The following CSPP1 variants were observed in gnomAD, a reference collection of about 807,000 sequenced individuals.
CSPP1 encodes centrosome and spindle pole-associated protein 1.
A neutral mutation model predicts 164.4 loss-of-function variants in CSPP1; 126 were observed. The observed-to-expected ratio is 0.77, with a 90% CI of 0.66 to 0.89. The LOEUF is 0.89. CSPP1 is among the 40% of genes least tolerant of loss of function. The pLI, the probability that CSPP1 is intolerant of heterozygous loss-of-function variation, is 0.00. For missense variants in CSPP1, 1,395 were observed against 1,449.8 expected (o/e 0.96, Z 0.61); for synonymous variants, 472 against 476.7 (o/e 0.99, Z 0.13).
intron 17 of CSPP1, among the ~76,000 whole-genome samples, chr8:67,138,340 C>T (rs1253650208): frequency 6.6e-6 from 1 of 152,134 alleles, no homozygotes; most frequent in African/African-American, 2.4e-5. Context: ...TTCCTGTATA[C>T]TTTAAGTCAT....
intron 5 of CSPP1, among the ~76,000 whole-genome samples, chr8:67,093,095 T>G (rs1238077964): frequency 6.6e-6 from 1 of 152,128 alleles, no homozygotes; most frequent in Non-Finnish European, 1.5e-5. Context: ...TGGGAGAGAT[T>G]TATCTCTGAA....
chr8:67,104,094 A>G (rs1814799542), intron 8 of CSPP1, among the ~76,000 whole-genome samples: 1 of 152,110 alleles, frequency 6.6e-6, no homozygotes, highest in East Asian at 1.9e-4. Flanking sequence ...TTTTGAATCT[A>G]TAGTATACAG....
intron 3 of CSPP1, among the ~76,000 whole-genome samples, chr8:67,080,445 C>T (rs1235771622): frequency 6.6e-6 from 1 of 152,208 alleles, no homozygotes; most frequent in African/African-American, 2.4e-5. Flanking sequence ...CTTTCTACCA[C>T]CATTTATACC....
intron 17 of CSPP1, among the ~76,000 whole-genome samples, chr8:67,145,055 C>CA (rs1184105758): frequency 0.05 from 3,084 of 62,060 alleles, 79 homozygotes; most frequent in South Asian, 0.11. Flanking sequence ...GACTCCATCT[C>CA]AAAAAAAAAA....
rs760329183 is a variant in CSPP1 at position 67,195,574 on chromosome 8, T to C, written c.3662T>C (p.Leu1221Pro). ...CCAGGCACTTTCACTTGGCAGGGCC[T>C]GTCGACTGCACATGGTTAAAATAAA... The part of the protein sequence containing the change: ...GKPGTFTWQG[L>P]STAHG Residue 1221 changes from leucine to proline, a missense_variant, in exon 31 of 31, where the codon CTG (leucine) becomes CCG (proline). By Grantham distance (98) the Leu-to-Pro change is moderately conservative. Transcript: ENST00000678616. The C allele has an allele frequency of 6.2e-6, 10 of 1,614,140 alleles. No individual in the cohort carries two copies. Among genetic ancestry groups the C allele is most frequent in the Non-Finnish European group, 7.6e-6 (9 of 1,180,000 alleles).
chr8:67,149,143 C>G (rs1825198047), intron 17 of CSPP1, among the ~76,000 whole-genome samples: 2 of 152,068 alleles, frequency 1.3e-5, no homozygotes, highest in African/African-American at 4.8e-5. Context: ...ATGGGCCTCT[C>G]CATAGGGCTC....
intron 16 of CSPP1, among the ~76,000 whole-genome samples, chr8:67,132,285 CA>C (rs1821385241): frequency 6.6e-6 from 1 of 152,148 alleles, no homozygotes. Flanking sequence ...GAGCTTCACA[CA>C]GTAGTTGATA....
intron 30 of CSPP1, 57 bp from the exon 31 acceptor site, chr8:67,195,325 T>C: frequency 9.4e-7 from 1 of 1,069,414 alleles, no homozygotes; most frequent in South Asian, 1.3e-5. Flanking sequence ...GACCTGCGCT[T>C]ATGTCTCCTG....
chr8:67,094,541 G>T (rs1812327137), intron 6 of CSPP1, among the ~76,000 whole-genome samples: 1 of 151,830 alleles, frequency 6.6e-6, no homozygotes, highest in African/African-American at 2.4e-5. Context: ...CAAAGTGCTG[G>T]GATTACAGGC....
chr8:67,099,063 C>T (rs546709949), intron 7 of CSPP1, among the ~76,000 whole-genome samples: 1 of 151,400 alleles, frequency 6.6e-6, no homozygotes, highest in Admixed American at 6.6e-5. Context: ...ACCTGATCAA[C>T]TAGAGTTGTT....
At chr8:67,111,868 G>A in intron 9 of CSPP1, 104 bp from the exon 10 acceptor site, 1 of 577,102 alleles carries the variant, frequency 1.7e-6, no homozygotes, top group Non-Finnish European at 3.0e-6. Context: ...TTGCATATTA[G>A]TAATTATATG....
intron 19 of CSPP1, chr8:67,157,718 TC>T (rs1336048121): frequency 1.3e-5 from 2 of 152,258 alleles, no homozygotes; most frequent in East Asian, 3.8e-4. Context: ...AATACCTGGT[TC>T]CCATGCTGCT....
intron 15 of CSPP1, among the ~76,000 whole-genome samples, chr8:67,120,641 TC>T (rs757757241): frequency 6.2e-4 from 95 of 152,262 alleles, no homozygotes; most frequent in Middle Eastern, 6.8e-3. Flanking sequence ...GGAATTCCTT[TC>T]ATAATTTTCT....
Position 67,086,100 on chromosome 8 carries a change from A to C in CSPP1, c.293A>C (p.Tyr98Ser). The C allele has an allele frequency of 7.3e-7, 1 of 1,367,990 alleles. No homozygotes were observed. Among genetic ancestry groups the C allele is most frequent in the South Asian group, 1.2e-5 (1 of 86,060 alleles). The allele number at this position is 1,367,990 out of a possible 1,614,324, so 84.7% of individuals were successfully genotyped here. A position where few individuals can be genotyped will look rare whatever the true frequency, so the allele number is the denominator to read the frequency against. ...KEELRQDYRR[Y>S]LTQKNFLSTS... Reference sequence around the variant, plus strand: ...GAATTGCGGCAAGATTACAGACGTTATCTTACTCAGGTAATGAGTTCTATT... The same window carrying C: ...GAATTGCGGCAAGATTACAGACGTTCTCTTACTCAGGTAATGAGTTCTATT... The change falls in exon 4 of 31, where the codon TAT (tyrosine) becomes TCT (serine). Residue 98 changes from tyrosine to serine, a missense_variant. Tyr to Ser is a moderately radical substitution (Grantham distance 144). Transcript: ENST00000678616.
Position 67,103,239 on chromosome 8 carries a change from A to T in CSPP1, c.1022+104A>T, listed in dbSNP as rs188824977. On this transcript the variant is annotated intron_variant, in intron 8 of 30. Transcript: ENST00000678616. ...AAGTAGAAAGATACAGTAAATTAAC[A>T]GCCTTCCTTCTTAGTGAGAAGTGAA... 6.1e-4 allele frequency: 395 copies of T among 649,886 alleles called. 4 individuals are homozygous for T. The African/African-American group carries it at 6.7e-3, about 11-fold the overall frequency. 40.3% of individuals were successfully genotyped at this position (649,886 alleles called of 1,614,324 possible). A position where few individuals can be genotyped will look rare whatever the true frequency, so the allele number is the denominator to read the frequency against.
rs767786312 is a variant in CSPP1, at chr8:67,091,868, G to C, written c.369G>C (p.Glu123Asp). 2 of 1,341,362 alleles carry C rather than the reference G, an allele frequency of 1.5e-6. No individual in the cohort carries two copies. Among genetic ancestry groups the C allele is most frequent in the Admixed American group, 4.1e-5 (2 of 49,158 alleles). 83.1% of individuals were successfully genotyped at this position (1,341,362 alleles called of 1,614,324 possible). A position where few individuals can be genotyped will look rare whatever the true frequency, so the allele number is the denominator to read the frequency against. The change falls in exon 5 of 31, where the codon GAG becomes GAC. Residue 123 changes from glutamate to aspartate, a missense_variant. Coordinates refer to ENST00000678616, the MANE Select transcript of CSPP1 (RefSeq NM_001382391.1). ...TGGGAGTTTCTCTTCCTATTGGTGA[G>C]AGGTTATCTGCTAAGGTAGGTGGAT... ...STLGVSLPIG[E>D]RLSAKERLKL... is the part of the protein sequence containing the mutation.
intron 25 of CSPP1, chr8:67,173,612 C>A (rs145835036): frequency 1.3e-5 from 2 of 151,776 alleles, no homozygotes; most frequent in African/African-American, 4.9e-5. Flanking sequence ...TATGTAAGTA[C>A]CATTATCATT....
chr8:67,122,765 ATTTC>A (rs112602500), intron 15 of CSPP1, among the ~76,000 whole-genome samples: 5,434 of 150,814 alleles, frequency 0.036, 201 homozygotes, highest in African/African-American at 0.082. Flanking sequence ...TTATAGTGTT[ATTTC>A]TTTTATTTCC....
chr8:67,157,778 G>A (rs1235759652), intron 19 of CSPP1: 1 of 151,934 alleles, frequency 6.6e-6, no homozygotes, highest in Non-Finnish European at 1.5e-5. Context: ...TATCTCTTAG[G>A]GCCTTCTTTC....
Sources: allele counts gnomAD v4.1 joint callset (sites outside exome capture counted in the v4.1 genomes callset), GRCh38; gene constraint gnomAD v4.1.1; transcripts MANE v1.5; gene names NCBI Gene and HGNC (gene_info 2026-07-23, HGNC 2026-07-21).